The following PRUNE2 variants were observed in gnomAD, a reference collection of about 807,000 sequenced individuals.
The protein encoded by PRUNE2 is prune homolog 2 with BCH domain.
In PRUNE2, 164 loss-of-function variants were observed where a neutral mutation model predicts 252.0. That is an observed-to-expected ratio of 0.65 (90% CI 0.57 to 0.74). The LOEUF (loss-of-function observed/expected upper bound fraction) is 0.74, where lower values mean the gene tolerates loss of function less well. PRUNE2 is among the 30% of genes least tolerant of loss of function. The pLI is 0.00. For missense variants in PRUNE2, 3,495 were observed against 3,711.0 expected (o/e 0.94, Z 1.51); for synonymous variants, 1,292 against 1,350.2 (o/e 0.96, Z 0.94).
At chr9:76,743,251 G>A (rs141637457) in intron 6 of PRUNE2, among the ~76,000 whole-genome samples, 237 of 152,298 alleles carry the variant, frequency 1.6e-3, no homozygotes, top group African/African-American at 5.5e-3. Context: ...ATAGCAGCAT[G>A]AGAATGGACT....
In PRUNE2 at chr9:76,614,515, A is replaced by G; in HGVS notation, c.*55T>C. ...TCAGCCCTGTCTCTTTCAGGTAGAT[A>G]TGTTTCAACAGAACCATGAACCAGA... is the stretch of plus-strand genomic sequence containing the variant. On this transcript the variant is annotated 3_prime_UTR_variant, in exon 19 of 19. Transcript: ENST00000376718. 1 of 1,444,694 alleles carries G rather than the reference A, an allele frequency of 6.9e-7. No homozygotes were observed. The highest frequency in any genetic ancestry group is 1.2e-5 in the South Asian group (1 of 86,868). The allele number at this position is 1,444,694 out of a possible 1,614,324, so 89.5% of individuals were successfully genotyped here. A position where few individuals can be genotyped will look rare whatever the true frequency, so the allele number is the denominator to read the frequency against.
intron 6 of PRUNE2, among the ~76,000 whole-genome samples, chr9:76,735,483 A>T (rs1045509764): frequency 4.0e-5 from 6 of 148,570 alleles, no homozygotes; most frequent in African/African-American, 1.5e-4. Flanking sequence ...GCTGACAATT[A>T]AGTTACCGAG....
intron 1 of PRUNE2, among the ~76,000 whole-genome samples, chr9:76,897,498 C>T (rs1264346349): frequency 6.8e-6 from 1 of 147,572 alleles, no homozygotes; most frequent in Admixed American, 6.8e-5. Flanking sequence ...ACTGCAACCT[C>T]CACCTCCCTG....
At chr9:76,649,283 G>A (rs565569020) in intron 11 of PRUNE2, among the ~76,000 whole-genome samples, 19 of 152,258 alleles carry the variant, frequency 1.2e-4, no homozygotes, top group Admixed American at 5.9e-4. Context: ...ACACAGACAC[G>A]TTTATTTTTC....
intron 6 of PRUNE2, chr9:76,784,818 C>T (rs1390413291): frequency 2.6e-5 from 4 of 152,476 alleles, no homozygotes; most frequent in Admixed American, 6.5e-5. Flanking sequence ...TAATCAACAT[C>T]ATCCTCAGTG....
intron 3 of PRUNE2, among the ~76,000 whole-genome samples, chr9:76,847,905 T>C (rs937175848): frequency 6.6e-6 from 1 of 152,234 alleles, no homozygotes; most frequent in African/African-American, 2.4e-5. Context: ...TGACACACAC[T>C]CGTTCCACAA....
chr9:76,875,794 C>G (rs1207650886), intron 1 of PRUNE2, among the ~76,000 whole-genome samples: 1 of 152,222 alleles, frequency 6.6e-6, no homozygotes, highest in Non-Finnish European at 1.5e-5. Context: ...TCTCAACACC[C>G]AAGTCATACC....
At chr9:76,689,573 G>A (rs115221940) in intron 9 of PRUNE2, among the ~76,000 whole-genome samples, 1,973 of 151,450 alleles carry the variant, frequency 0.013, 48 homozygotes, top group African/African-American at 0.045. Flanking sequence ...AGCTCAGGCT[G>A]GTCTCAAACT....
At chr9:76,867,825 C>A (rs1035912336) in intron 1 of PRUNE2, among the ~76,000 whole-genome samples, 2 of 152,150 alleles carry the variant, frequency 1.3e-5, no homozygotes, top group African/African-American at 2.4e-5. Flanking sequence ...CCCACCTCGG[C>A]CTTCCAAAGT....
chr9:76,757,395 T>C (rs2051253874), intron 6 of PRUNE2, among the ~76,000 whole-genome samples: 1 of 152,244 alleles, frequency 6.6e-6, no homozygotes, highest in Non-Finnish European at 1.5e-5. Flanking sequence ...TTTGATTGCT[T>C]GGCTGCATTC....
At chr9:76,843,607 G>A (rs951794865) in intron 4 of PRUNE2, among the ~76,000 whole-genome samples, 2 of 151,924 alleles carry the variant, frequency 1.3e-5, no homozygotes, top group Non-Finnish European at 2.9e-5. Flanking sequence ...TAATGCTAAA[G>A]TTATTTTATA....
rs1836355240 is a variant in PRUNE2 at position 76,629,261 on chromosome 9, A to G, written c.9080T>C (p.Val3027Ala). ...SSKFSSKIKY[V>A]NSLSELSGLI... ...CCCACTGAGTTCTGATAAGCTATTG[A>G]CATATTTAATTTTACTGCTGAATTT... The change falls in exon 16 of 19, where the codon GTC becomes GCC. Residue 3027 changes from valine to alanine, a missense_variant. Coordinates refer to ENST00000376718, the MANE Select transcript of PRUNE2 (RefSeq NM_015225.3). The G allele has an allele frequency of 1.3e-6, 2 of 1,590,418 alleles. No homozygotes were observed. Among genetic ancestry groups the G allele is most frequent in the East Asian group, 2.2e-5 (1 of 44,614 alleles).
At chr9:76,655,123 A>G (rs969789433) in intron 10 of PRUNE2, among the ~76,000 whole-genome samples, 1 of 152,322 alleles carries the variant, frequency 6.6e-6, no homozygotes, top group East Asian at 1.9e-4. Flanking sequence ...GAACTTAGAC[A>G]TTAGTCAGAA....
chr9:76,679,016 A>G (rs1048629144), intron 9 of PRUNE2, among the ~76,000 whole-genome samples: 1 of 152,142 alleles, frequency 6.6e-6, no homozygotes, highest in African/African-American at 2.4e-5. Flanking sequence ...AAGCCTCAAG[A>G]TTCAGGAGGC....
At position 76,704,967 on chromosome 9, in the gene PRUNE2, T is replaced by C; in HGVS notation, c.7307A>G (p.Asp2436Gly). ...AGCCTGGTTTCCCTCACTTCTTCGA[T>C]CAGGAAGTGCAGAAAGCACTATCTC... ...AAEIVLSALP[D>G]RRSEGNQAET... Residue 2436 changes from aspartate (D) to glycine (G), a missense_variant, in exon 8 of 19, where the codon GAT becomes GGT. Physicochemically the swap from Asp to Gly is moderately conservative, Grantham distance 94 (BLOSUM62 -1). Transcript: ENST00000376718. 6.2e-7 allele frequency: 1 copy of C among 1,613,438 alleles called. No individual in the cohort carries two copies. Among genetic ancestry groups the C allele is most frequent in the Non-Finnish European group, 8.5e-7 (1 of 1,179,612 alleles).
chr9:76,713,208 C>T (rs1364293806), intron 7 of PRUNE2, among the ~76,000 whole-genome samples: 1 of 152,058 alleles, frequency 6.6e-6, no homozygotes, highest in Non-Finnish European at 1.5e-5. Context: ...ATCACCAGGT[C>T]TTAAACACTG....
chr9:76,701,049 T>C (rs1039078150), intron 9 of PRUNE2, among the ~76,000 whole-genome samples: 2 of 152,246 alleles, frequency 1.3e-5, no homozygotes, highest in African/African-American at 4.8e-5. Flanking sequence ...GCTGACAGTA[T>C]GTTTTAAACC....
chr9:76,667,138 T>C (rs13292181), intron 9 of PRUNE2, among the ~76,000 whole-genome samples: 32,759 of 152,230 alleles, frequency 0.22, 3,740 homozygotes, highest in Admixed American at 0.29. Context: ...GTGATGCTTA[T>C]GGGAGTGTTT....
At chr9:76,891,569 G>T (rs906869883) in intron 1 of PRUNE2, among the ~76,000 whole-genome samples, 1 of 152,172 alleles carries the variant, frequency 6.6e-6, no homozygotes, top group Non-Finnish European at 1.5e-5. Context: ...AGCTTGATGC[G>T]TATGTTTTCC....
Sources: gnomAD v4.1 joint callset for allele counts (sites outside exome capture counted in the v4.1 genomes callset) on GRCh38, gnomAD v4.1.1 for gene constraint, MANE v1.5 for transcripts, NCBI Gene and HGNC (gene_info 2026-07-23, HGNC 2026-07-21) for gene names.